Variants in RGS5 observed in about 807,000 individuals in gnomAD.
RGS5 encodes the protein regulator of G-protein signalling 5.
In RGS5, 20 loss-of-function variants were observed where a neutral mutation model predicts 18.9. The observed-to-expected ratio is 1.06, with a 90% confidence interval of 0.74 to 1.54. The LOEUF is 1.54. Ranked by LOEUF, RGS5 falls within the 40% of genes most tolerant of loss-of-function variation. The pLI is 0.00. For missense variants in RGS5, 201 were observed against 211.8 expected, an observed-to-expected ratio of 0.95 and a Z score of 0.32; for synonymous variants, 57 against 76.2, an observed-to-expected ratio of 0.75 and a Z score of 1.31.
chr1:163,259,473 T>C (rs947364206), intron 2 of RGS5, among the ~76,000 whole-genome samples: 7 of 152,162 alleles, frequency 4.6e-5, no homozygotes, highest in Non-Finnish European at 1.0e-4. Context: ...TACACAGTGT[T>C]AGTCTCTAAA....
intron 1 of RGS5, among the ~76,000 whole-genome samples, chr1:163,186,578 CAAA>C (rs34092786): frequency 0.049 from 4,729 of 95,848 alleles, 270 homozygotes; most frequent in African/African-American, 0.16. Context: ...GACTCTGTCT[CAAA>C]AAAAAAAAAA....
intron 2 of RGS5, among the ~76,000 whole-genome samples, chr1:163,295,051 G>A (rs1649389541): frequency 6.6e-6 from 1 of 152,076 alleles, no homozygotes. Context: ...TAGCATTTTG[G>A]TCAAAGTGAT....
intron 1 of RGS5, among the ~76,000 whole-genome samples, chr1:163,177,302 G>T (rs1302711244): frequency 2.0e-5 from 3 of 152,188 alleles, no homozygotes; most frequent in Non-Finnish European, 4.4e-5. Context: ...TCAACTAAAA[G>T]ATATTAGAAT....
intron 2 of RGS5, among the ~76,000 whole-genome samples, chr1:163,233,921 G>A (rs1285765592): frequency 6.6e-6 from 1 of 152,178 alleles, no homozygotes; most frequent in Non-Finnish European, 1.5e-5. Context: ...CACAGCTAAG[G>A]CAGGAACTGG....
At chr1:163,189,818 T>G (rs1659266512) in intron 1 of RGS5, among the ~76,000 whole-genome samples, 1 of 152,140 alleles carries the variant, frequency 6.6e-6, no homozygotes, top group African/African-American at 2.4e-5. Context: ...GAAGAAAAGT[T>G]TCCAGAGCTC....
At chr1:163,258,275 A>C (rs12132649) in intron 2 of RGS5, among the ~76,000 whole-genome samples, 30,056 of 152,146 alleles carry the variant, frequency 0.2, 3,395 homozygotes, top group Non-Finnish European at 0.25. Context: ...ATTCCAGATC[A>C]TCTCAAGGAA....
At chr1:163,253,541 C>T (rs1033842551) in intron 2 of RGS5, among the ~76,000 whole-genome samples, 1 of 151,646 alleles carries the variant, frequency 6.6e-6, no homozygotes, top group African/African-American at 2.4e-5. Flanking sequence ...AACCCCTGAC[C>T]TCTGGCAATC....
chr1:163,306,537 G>T (rs1484905270), intron 1 of RGS5, among the ~76,000 whole-genome samples: 1 of 152,200 alleles, frequency 6.6e-6, no homozygotes, highest in Non-Finnish European at 1.5e-5. Flanking sequence ...TCTGGCTCAT[G>T]ATGCTGTGAG....
chr1:163,249,891 A>G (rs1019159440), intron 2 of RGS5, among the ~76,000 whole-genome samples: 2 of 152,264 alleles, frequency 1.3e-5, no homozygotes, highest in Admixed American at 1.3e-4. Flanking sequence ...AGTTCACATC[A>G]TAAAGCACTA....
At chr1:163,227,927 C>T (rs551201173) in intron 2 of RGS5, among the ~76,000 whole-genome samples, 4 of 152,338 alleles carry the variant, frequency 2.6e-5, no homozygotes, top group South Asian at 2.1e-4. Flanking sequence ...GTATGTCTCA[C>T]ATCCAGGTCA....
Position 163,160,136 on chromosome 1 carries a change from A to G in RGS5, c.217+1779T>C, listed in dbSNP as rs542764937. Among the ~76,000 whole-genome samples the G allele has an allele frequency of 2.0e-5, 3 of 152,334 alleles. No individual in the cohort carries two copies. The South Asian group carries it at 6.2e-4, about 32-fold the overall frequency. ...TCTGTCTCCTAAAAGCCTGAAATAT[A>G]TAGACATGTAGCCCTAAGGATTTAG... is the stretch of plus-strand genomic sequence containing the variant. On this transcript the variant is annotated intron_variant, in intron 3 of 4. Coordinates refer to ENST00000313961, the MANE Select transcript of RGS5 (RefSeq NM_003617.4).
At chr1:163,259,245 G>C (rs758069837) in intron 2 of RGS5, among the ~76,000 whole-genome samples, 1 of 151,674 alleles carries the variant, frequency 6.6e-6, no homozygotes, top group Non-Finnish European at 1.5e-5. Context: ...TCCAACTTCC[G>C]GGTTCATGCC....
upstream of RGS5, among the ~76,000 whole-genome samples, chr1:163,205,062 T>C (rs894246553): frequency 6.6e-6 from 1 of 152,166 alleles, no homozygotes; most frequent in African/African-American, 2.4e-5. Flanking sequence ...ATCCAACACT[T>C]ATTTGTTTTT....
intron 2 of RGS5, chr1:163,300,701 A>C (rs752560838): frequency 4.6e-5 from 7 of 152,198 alleles, no homozygotes; most frequent in Admixed American, 2.0e-4. Flanking sequence ...TCTGAAATAA[A>C]TTTGAGAGTC....
intron 4 of RGS5, 54 bp downstream of exon 4, chr1:163,152,496 C>T (rs1657411842): frequency 6.5e-6 from 10 of 1,528,862 alleles, no homozygotes; most frequent in Non-Finnish European, 7.9e-6. Context: ...GATGTAAATC[C>T]TTCCTGAGAG....
At chr1:163,149,229 G>T (rs193244279) in intron 4 of RGS5, among the ~76,000 whole-genome samples, 9 of 152,316 alleles carry the variant, frequency 5.9e-5, no homozygotes, top group African/African-American at 1.4e-4. Flanking sequence ...CCTCAGAGAG[G>T]TCAGGTTACA....
chr1:163,206,905 GGTAT>G (rs1557905312), upstream of RGS5: 1 of 151,906 alleles, frequency 6.6e-6, no homozygotes, highest in Non-Finnish European at 1.5e-5. Context: ...AGTAATTATT[GGTAT>G]GTGTTTTGAT....
chr1:163,183,826 A>G (rs1316662246), intron 1 of RGS5, among the ~76,000 whole-genome samples: 1 of 152,262 alleles, frequency 6.6e-6, no homozygotes, highest in Non-Finnish European at 1.5e-5. Flanking sequence ...ATTGGCTTGG[A>G]TCCCAAAGCA....
intron 1 of RGS5, among the ~76,000 whole-genome samples, chr1:163,312,546 G>A (rs1649896334): frequency 6.6e-6 from 1 of 151,968 alleles, no homozygotes; most frequent in Admixed American, 6.6e-5. Flanking sequence ...GGCGCACAGG[G>A]TAGAAGTAAG....
Sources: gnomAD v4.1 joint callset for allele counts (sites outside exome capture counted in the v4.1 genomes callset) on GRCh38, gnomAD v4.1.1 for gene constraint, MANE v1.5 for transcripts, NCBI Gene and HGNC (gene_info 2026-07-23, HGNC 2026-07-21) for gene names.